Variants in CHST11 observed in about 807,000 individuals in gnomAD.
CHST11 encodes C4S-1.
CHST11 carries 9 observed loss-of-function variants against 30.4 expected under a neutral mutation model. The ratio of observed to expected loss-of-function variants is 0.30; its 90% CI spans 0.18 to 0.52. The LOEUF is 0.52. Ranked by LOEUF, CHST11 falls within the 20% of genes least tolerant of loss-of-function variation. CHST11 has a pLI of 0.97. For synonymous variants in CHST11, 152 were observed against 187.8 expected, an observed-to-expected ratio of 0.81 and a Z score of 1.56; for missense variants, 348 against 460.6, an observed-to-expected ratio of 0.76 and a Z score of 2.24.
intron 1 of CHST11, among the ~76,000 whole-genome samples, chr12:104,586,617 G>C (rs1452026107): frequency 2.0e-5 from 3 of 152,244 alleles, no homozygotes; most frequent in Non-Finnish European, 4.4e-5. Flanking sequence ...ACATCAGCGT[G>C]TCCAGGTTGT....
At chr12:104,513,455 A>G (rs1183196671) in intron 1 of CHST11, among the ~76,000 whole-genome samples, 1 of 152,218 alleles carries the variant, frequency 6.6e-6, no homozygotes, top group Non-Finnish European at 1.5e-5. Context: ...GGTGGAAAAA[A>G]GAATTCTGGC....
chr12:104,465,085 C>G (rs1352476694), intron 1 of CHST11, among the ~76,000 whole-genome samples: 1 of 152,204 alleles, frequency 6.6e-6, no homozygotes, highest in Non-Finnish European at 1.5e-5. Flanking sequence ...ACCATGGATG[C>G]CTTCTGAGGC....
chr12:104,677,593 G>C (rs2039754248), intron 2 of CHST11, among the ~76,000 whole-genome samples: 1 of 152,214 alleles, frequency 6.6e-6, no homozygotes, highest in Non-Finnish European at 1.5e-5. Context: ...TTCTCCTTCA[G>C]GGTGTCCATT....
At chr12:104,563,269 C>T (rs1233656884) in intron 1 of CHST11, among the ~76,000 whole-genome samples, 1 of 152,156 alleles carries the variant, frequency 6.6e-6, no homozygotes, top group Non-Finnish European at 1.5e-5. Flanking sequence ...AACTCCTGAC[C>T]TCAAGTGATC....
chr12:104,478,347 A>G (rs2037585202), intron 1 of CHST11, among the ~76,000 whole-genome samples: 1 of 152,138 alleles, frequency 6.6e-6, no homozygotes, highest in South Asian at 2.1e-4. Flanking sequence ...CCCAAAATAC[A>G]CTGTAAGTAA....
intron 2 of CHST11, among the ~76,000 whole-genome samples, chr12:104,732,305 C>A (rs1210434238): frequency 1.3e-5 from 2 of 152,164 alleles, no homozygotes; most frequent in Non-Finnish European, 2.9e-5. Context: ...ACGTGGGTGC[C>A]TCAGAAAGAT....
At chr12:104,752,228 T>C (rs920386600) in intron 2 of CHST11, among the ~76,000 whole-genome samples, 3 of 152,198 alleles carry the variant, frequency 2.0e-5, no homozygotes, top group Non-Finnish European at 2.9e-5. Context: ...AGACACATCA[T>C]TGCAGTCTCC....
intron 2 of CHST11, among the ~76,000 whole-genome samples, chr12:104,692,499 G>A (rs1213397161): frequency 6.6e-6 from 1 of 152,226 alleles, no homozygotes; most frequent in African/African-American, 2.4e-5. Flanking sequence ...TTACAGAGGA[G>A]AGAATTGAGA....
intron 2 of CHST11, among the ~76,000 whole-genome samples, chr12:104,747,292 C>T (rs967765183): frequency 2.0e-5 from 3 of 152,340 alleles, no homozygotes; most frequent in South Asian, 2.1e-4. Flanking sequence ...GGACTCGAAC[C>T]CCAGACCCGG....
chr12:104,660,817 T>C (rs1405906273), intron 2 of CHST11, among the ~76,000 whole-genome samples: 1 of 152,202 alleles, frequency 6.6e-6, no homozygotes, highest in Non-Finnish European at 1.5e-5. Context: ...AATCCCAAGA[T>C]TTGAGGCCAC....
intron 2 of CHST11, among the ~76,000 whole-genome samples, chr12:104,656,957 A>G (rs1015904098): frequency 6.6e-6 from 1 of 152,068 alleles, no homozygotes; most frequent in African/African-American, 2.4e-5. Context: ...TTCCTTACAA[A>G]GGCACAGCAT....
rs115821904 is a variant in CHST11 at position 104,651,844 on chromosome 12, A to G, written c.204+49853A>G. On this transcript the variant is annotated intron_variant, in intron 2 of 2. Coordinates refer to ENST00000303694, the MANE Select transcript of CHST11 (RefSeq NM_018413.6). ...CCCGACCCATTTTCTTTTCTCATGC[A>G]TGGATGCTGCTCTGAGAAGCTCCCA... 1.5e-3 allele frequency among the ~76,000 whole-genome samples: 234 copies of G among 152,240 alleles called. 2 individuals carry two copies. The highest frequency in any genetic ancestry group is 5.3e-3 in the African/African-American group (220 of 41,534).
intron 1 of CHST11, among the ~76,000 whole-genome samples, chr12:104,589,313 ATTGC>A (rs959605373): frequency 2.0e-5 from 3 of 151,244 alleles, no homozygotes; most frequent in African/African-American, 4.9e-5. Flanking sequence ...AGGTGGGAGG[ATTGC>A]TTGAGACTGG....
intron 2 of CHST11, among the ~76,000 whole-genome samples, chr12:104,681,079 C>T (rs835479): frequency 0.66 from 100,293 of 152,066 alleles, 33,166 homozygotes; most frequent in East Asian, 0.85. Flanking sequence ...TTTAAAGGTT[C>T]TCTCTTCTTG....
At chr12:104,470,331 A>G (rs2037495976) in intron 1 of CHST11, among the ~76,000 whole-genome samples, 1 of 152,160 alleles carries the variant, frequency 6.6e-6, no homozygotes, top group African/African-American at 2.4e-5. Context: ...GGCAGAAGGC[A>G]CCTCTTCACA....
At chr12:104,472,193 T>G (rs946059306) in intron 1 of CHST11, among the ~76,000 whole-genome samples, 5 of 151,334 alleles carry the variant, frequency 3.3e-5, no homozygotes, top group Non-Finnish European at 5.9e-5. Context: ...CAGGCTGGTC[T>G]CAAATGCCTG....
chr12:104,717,151 C>T (rs919896003), intron 2 of CHST11, among the ~76,000 whole-genome samples: 1 of 152,208 alleles, frequency 6.6e-6, no homozygotes, highest in African/African-American at 2.4e-5. Flanking sequence ...GCCTTAATTC[C>T]ATCTGCTACC....
intron 1 of CHST11, among the ~76,000 whole-genome samples, chr12:104,535,429 T>G (rs149876879): frequency 6.6e-6 from 1 of 152,302 alleles, no homozygotes; most frequent in Non-Finnish European, 1.5e-5. Flanking sequence ...AATCTGGTCT[T>G]AATGTCTGGG....
rs1292485944 is a variant in CHST11 at position 104,729,340 on chromosome 12, A to C, written c.205-27609A>C. On this transcript the variant is annotated intron_variant, in intron 2 of 2. Transcript: ENST00000303694. This position sits in a 1 kb window ranked among gnomAD's most constrained non-coding sequence, Gnocchi z 4.0. ...CATCTTATCAGTTGTCCTGATGCTC[A>C]AGTGAGAAGACAGGGGACTTGGCAA... Among the ~76,000 whole-genome samples, 1 of 152,226 alleles carries C rather than the reference A, an allele frequency of 6.6e-6. No individual in the cohort carries two copies. The highest frequency in any genetic ancestry group is 1.5e-5 in the Non-Finnish European group (1 of 68,038).
Sources: allele counts gnomAD v4.1 joint callset (sites outside exome capture counted in the v4.1 genomes callset), GRCh38; gene constraint gnomAD v4.1.1; non-coding constraint Gnocchi (gnomAD v3.1); transcripts MANE v1.5; gene names NCBI Gene and HGNC (gene_info 2026-07-23, HGNC 2026-07-21).